GRIA4: variants seen among roughly 807,000 people sequenced by gnomAD.
GRIA4 encodes glutamate ionotropic receptor AMPA type subunit 4, also known as glutamate receptor 4.
In GRIA4, 34 loss-of-function variants were observed where a neutral mutation model predicts 104.0. The ratio of observed to expected loss-of-function variants is 0.33; its 90% CI spans 0.25 to 0.44. The LOEUF is 0.44. Among genes scored for constraint, GRIA4 ranks in the 20% least tolerant of loss-of-function variants. GRIA4 has a pLI of 1.00. For synonymous variants in GRIA4, 386 were observed against 381.9 expected, an observed-to-expected ratio of 1.01 and a Z score of -0.13; for missense variants, 750 against 1,096.5, an observed-to-expected ratio of 0.68 and a Z score of 4.46.
chr11:105,669,365 C>CA (rs1422256964), intron 3 of GRIA4, among the ~76,000 whole-genome samples: 3 of 149,960 alleles, frequency 2.0e-5, no homozygotes, highest in Non-Finnish European at 4.4e-5. Flanking sequence ...CATATACACA[C>CA]AATGTTATAT....
In GRIA4 at chr11:105,772,962, G is replaced by A. The variant is rs184245855; in HGVS notation, c.487+19742G>A. 3.9e-5 allele frequency among the ~76,000 whole-genome samples: 6 copies of A among 152,124 alleles called. No individual in the cohort carries two copies. In the East Asian group the frequency reaches 5.8e-4, roughly 15 times the overall value. ...ACTCAAGAAGCTAAAAAAAGAGAGC[G>A]AGGGAAACATCTCAAGTCTAAACAC... On this transcript the variant is annotated intron_variant, in intron 4 of 16. Coordinates refer to ENST00000282499, the MANE Select transcript of GRIA4 (RefSeq NM_000829.4).
At chr11:105,709,758 A>C (rs1371686701) in intron 3 of GRIA4, among the ~76,000 whole-genome samples, 1 of 152,168 alleles carries the variant, frequency 6.6e-6, no homozygotes, top group Non-Finnish European at 1.5e-5. Flanking sequence ...GAGGTTTGAT[A>C]CTACCACCTC....
chr11:105,936,867 G>T (rs1329301630), intron 14 of GRIA4, among the ~76,000 whole-genome samples: 1 of 152,150 alleles, frequency 6.6e-6, no homozygotes, highest in Admixed American at 6.6e-5. Flanking sequence ...TTACCGTTCA[G>T]ACTTTATTTC....
intron 5 of GRIA4, among the ~76,000 whole-genome samples, chr11:105,872,049 C>A (rs1313005369): frequency 6.6e-6 from 1 of 152,060 alleles, no homozygotes; most frequent in Non-Finnish European, 1.5e-5. Context: ...CCTTAAACAA[C>A]CTTTTAAAAC....
At chr11:105,625,679 T>C (rs759815486) in intron 3 of GRIA4, among the ~76,000 whole-genome samples, 2 of 152,126 alleles carry the variant, frequency 1.3e-5, no homozygotes, top group Non-Finnish European at 2.9e-5. Context: ...TCTGTCTGGA[T>C]GGGAATATTA....
At chr11:105,904,133 A>G in intron 8 of GRIA4, 152 bp downstream of exon 8, 1 of 607,454 alleles carries the variant, frequency 1.6e-6, no homozygotes, top group Non-Finnish European at 2.8e-6. Flanking sequence ...TTCTACATAA[A>G]ATACAAGGTA....
intron 3 of GRIA4, among the ~76,000 whole-genome samples, chr11:105,676,203 T>C (rs1300241994): frequency 6.6e-6 from 1 of 151,734 alleles, no homozygotes; most frequent in Non-Finnish European, 1.5e-5. Flanking sequence ...TATAAATTAC[T>C]ATAGAAAATT....
At chr11:105,837,384 G>T (rs995809768) in intron 4 of GRIA4, among the ~76,000 whole-genome samples, 4 of 152,088 alleles carry the variant, frequency 2.6e-5, no homozygotes, top group Non-Finnish European at 4.4e-5. Flanking sequence ...TTACATGCTG[G>T]ATCCAAGACC....
At chr11:105,832,332 G>C (rs1299734266) in intron 4 of GRIA4, among the ~76,000 whole-genome samples, 2 of 151,700 alleles carry the variant, frequency 1.3e-5, no homozygotes, top group African/African-American at 4.8e-5. Context: ...CAAGCTCTCT[G>C]AGGGTCTCCC....
intron 4 of GRIA4, among the ~76,000 whole-genome samples, chr11:105,825,008 A>G (rs920101749): frequency 1.3e-5 from 2 of 152,026 alleles, no homozygotes; most frequent in African/African-American, 4.8e-5. Context: ...AGGTCAGTGA[A>G]CGACTCAGAC....
chr11:105,644,419 C>T (rs1242896639), intron 3 of GRIA4, among the ~76,000 whole-genome samples: 1 of 148,236 alleles, frequency 6.7e-6, no homozygotes, highest in Non-Finnish European at 1.5e-5. Context: ...TAGTGAAACC[C>T]TGTCTCTACT....
At chr11:105,935,301 G>T (rs963050995) in intron 14 of GRIA4, among the ~76,000 whole-genome samples, 6 of 152,106 alleles carry the variant, frequency 3.9e-5, no homozygotes, top group African/African-American at 1.4e-4. Flanking sequence ...TTTGGTTATG[G>T]ACTGTGGCAA....
At chr11:105,807,414 CAAGTAT>C (rs1942996434) in intron 4 of GRIA4, among the ~76,000 whole-genome samples, 1 of 151,796 alleles carries the variant, frequency 6.6e-6, no homozygotes, top group African/African-American at 2.4e-5. Flanking sequence ...TATAGCAGTA[CAAGTAT>C]ATTTTGAACT....
At chr11:105,670,181 T>A (rs925311223) in intron 3 of GRIA4, among the ~76,000 whole-genome samples, 5 of 152,136 alleles carry the variant, frequency 3.3e-5, no homozygotes, top group African/African-American at 1.2e-4. Context: ...TAATCAAAAA[T>A]CTTAAGATGT....
intron 3 of GRIA4, among the ~76,000 whole-genome samples, chr11:105,690,609 A>C (rs1233819527): frequency 6.6e-6 from 1 of 152,216 alleles, no homozygotes; most frequent in African/African-American, 2.4e-5. Context: ...ATGTGCATAA[A>C]GCTTTCTTAA....
At chr11:105,902,278 G>A (rs1355562554) in intron 7 of GRIA4, among the ~76,000 whole-genome samples, 1 of 150,920 alleles carries the variant, frequency 6.6e-6, no homozygotes, top group Non-Finnish European at 1.5e-5. Context: ...CCCTGTAATG[G>A]TGGTTGCTAT....
chr11:105,969,293 G>GA (rs969281829), intron 14 of GRIA4, among the ~76,000 whole-genome samples: 4 of 152,108 alleles, frequency 2.6e-5, no homozygotes, highest in East Asian at 1.9e-4. Context: ...AAATGGAAAG[G>GA]AAAAAAAGTT....
chr11:105,610,870 C>CTTTTTTTTCTTT (rs1950455711), intron 1 of GRIA4, 38 bp from the exon 2 acceptor site: 1 of 330,396 alleles, frequency 3.0e-6, no homozygotes, highest in African/African-American at 2.7e-5. Context: ...TCTTTCTTTT[C>CTTTTTTTTCTTT]TTTTTTTTTT....
intron 4 of GRIA4, among the ~76,000 whole-genome samples, chr11:105,830,882 T>G (rs1943949439): frequency 6.6e-6 from 1 of 151,976 alleles, no homozygotes; most frequent in South Asian, 2.1e-4. Context: ...TGAAAACCAT[T>G]TCAACCAAAA....
Sources: gnomAD v4.1 joint callset for allele counts (sites outside exome capture counted in the v4.1 genomes callset) on GRCh38, gnomAD v4.1.1 for gene constraint, MANE v1.5 for transcripts, NCBI Gene and HGNC (gene_info 2026-07-23, HGNC 2026-07-21) for gene names.